C5: variants seen among roughly 807,000 people sequenced by gnomAD.
C5 encodes C3 and PZP-like alpha-2-macroglobulin domain-containing protein 4.
C5 carries 140 observed loss-of-function variants against 218.8 expected under a neutral mutation model. The observed-to-expected ratio is 0.64, with a 90% CI of 0.56 to 0.74. The LOEUF (loss-of-function observed/expected upper bound fraction) is 0.74, where lower values mean the gene tolerates loss of function less well. Among genes scored for constraint, C5 ranks in the 30% least tolerant of loss-of-function variants. The probability of loss-of-function intolerance (pLI) is 0.00; values close to 1 mark genes in which losing one functional copy is unlikely to be tolerated. For synonymous variants in C5, 614 were observed against 682.3 expected (o/e 0.90, Z 1.56); for missense variants, 1,700 against 1,969.6 (o/e 0.86, Z 2.59).
chr9:120,972,632 A>C (rs2046923416), intron 30 of C5, among the ~76,000 whole-genome samples: 1 of 152,174 alleles, frequency 6.6e-6, no homozygotes, highest in Non-Finnish European at 1.5e-5. Flanking sequence ...TGAAGACATA[A>C]ACGGAGTTAA....
intron 6 of C5, among the ~76,000 whole-genome samples, chr9:121,031,214 T>C (rs944463644): frequency 2.0e-5 from 3 of 151,824 alleles, no homozygotes; most frequent in Non-Finnish European, 4.4e-5. Context: ...CACACAGAAA[T>C]GCTAGTAAAC....
intron 16 of C5, 74 bp from the exon 17 acceptor site, chr9:121,014,144 G>T: frequency 7.6e-7 from 1 of 1,321,950 alleles, no homozygotes. Context: ...GAATCTCAAG[G>T]GATACCTGGT....
chr9:120,983,561 A>G (rs971657093), intron 25 of C5, among the ~76,000 whole-genome samples: 2 of 152,188 alleles, frequency 1.3e-5, no homozygotes, highest in Non-Finnish European at 2.9e-5. Context: ...AATGTATTTT[A>G]AGCATTTTTT....
intron 22 of C5, among the ~76,000 whole-genome samples, chr9:120,993,230 G>A (rs1207628224): frequency 6.6e-6 from 1 of 152,166 alleles, no homozygotes. Context: ...AGGGCAATAT[G>A]ACAGGACTAA....
At position 120,952,409 on chromosome 9, in the gene C5, T is replaced by C; in HGVS notation, c.*330A>G. On this transcript the variant is annotated 3_prime_UTR_variant, in exon 41 of 41. Transcript: ENST00000223642. ...TTTCTTTCAAGCAAAGGCCATGTTT[T>C]TGTAATACTCCCTTTCAATGGACTG... is the stretch of plus-strand genomic sequence containing the variant. The C allele has an allele frequency of 6.4e-6, 2 of 311,660 alleles. No individual in the cohort carries two copies. Among genetic ancestry groups the C allele is most frequent in the Non-Finnish European group, 1.2e-5 (2 of 160,452 alleles). 19.3% of individuals were successfully genotyped at this position (311,660 alleles called of 1,614,324 possible). A position where few individuals can be genotyped will look rare whatever the true frequency, so the allele number is the denominator to read the frequency against.
the C5 span, among the ~76,000 whole-genome samples, chr9:121,072,404 G>A: frequency 6.6e-6 from 1 of 152,046 alleles, no homozygotes; most frequent in Non-Finnish European, 1.5e-5. Context: ...TAAGTTTCTG[G>A]GTACAAGAAA....
upstream of C5, among the ~76,000 whole-genome samples, chr9:121,052,288 C>A (rs1001595811): frequency 2.0e-5 from 3 of 151,806 alleles, no homozygotes; most frequent in Admixed American, 2.0e-4. Flanking sequence ...GAAAACCCGC[C>A]TCTACTAAAA....
intron 22 of C5, 96 bp downstream of exon 22, chr9:120,996,144 C>T: frequency 1.0e-6 from 1 of 983,816 alleles, no homozygotes; most frequent in Non-Finnish European, 1.6e-6. Context: ...TGATTTTAGA[C>T]AATTCACTTT....
chr9:121,025,413 A>G (rs1335239557), intron 9 of C5, 41 bp downstream of exon 9: 3 of 352,326 alleles, frequency 8.5e-6, no homozygotes, highest in Non-Finnish European at 1.2e-5. Context: ...TTTTCAAAAG[A>G]AAGTATACAC....
Position 121,044,240 on chromosome 9 carries a change from C to T in C5, c.259-1074G>A, listed in dbSNP as rs41307980. Among the ~76,000 whole-genome samples, 834 of 152,136 alleles carry T rather than the reference C, an allele frequency of 5.5e-3. 8 individuals carry two copies. The highest frequency in any genetic ancestry group is 0.014 in the African/African-American group (580 of 41,492). ...CTGTAATCCCAGCACTTTGGGAGGC[C>T]GAGGCGGGCGGATCACCTGAGGTCA... On this transcript the variant is annotated intron_variant, in intron 2 of 40. Coordinates refer to ENST00000223642, the MANE Select transcript of C5 (RefSeq NM_001735.3).
upstream of C5, among the ~76,000 whole-genome samples, chr9:121,053,831 G>T (rs1047907491): frequency 2.0e-5 from 3 of 152,174 alleles, no homozygotes; most frequent in Admixed American, 2.0e-4. Context: ...CTAGAATTCT[G>T]ACAGTGCATT....
At chr9:121,013,318 G>GA (rs138938912) in intron 17 of C5, among the ~76,000 whole-genome samples, 11,706 of 98,898 alleles carry the variant, frequency 0.12, 1,462 homozygotes, top group African/African-American at 0.32. Flanking sequence ...GATTCCTACT[G>GA]AAAAAAAAAA....
chr9:121,037,038 T>G (rs1012788953), intron 4 of C5, among the ~76,000 whole-genome samples: 1 of 152,030 alleles, frequency 6.6e-6, no homozygotes, highest in African/African-American at 2.4e-5. Flanking sequence ...GATGAGATCA[T>G]GGGAGTTCAA....
intron 5 of C5, among the ~76,000 whole-genome samples, chr9:121,034,010 T>TC (rs2047501247): frequency 6.6e-6 from 1 of 151,370 alleles, no homozygotes; most frequent in East Asian, 2.0e-4. Flanking sequence ...AACCCTCACC[T>TC]CCCAGATTCA....
chr9:120,991,053 G>C, intron 23 of C5, 138 bp downstream of exon 23: 1 of 657,776 alleles, frequency 1.5e-6, no homozygotes, highest in Non-Finnish European at 2.8e-6. Flanking sequence ...GGGTGGGTAG[G>C]GGTGGAGCAC....
intron 3 of C5, among the ~76,000 whole-genome samples, chr9:121,040,277 C>T (rs1055026126): frequency 1.3e-5 from 2 of 152,074 alleles, no homozygotes; most frequent in East Asian, 1.9e-4. Flanking sequence ...GATGGGGAAA[C>T]GGTGTGAGAA....
At chr9:120,971,586 C>T (rs1242439043) in intron 31 of C5, among the ~76,000 whole-genome samples, 7 of 152,058 alleles carry the variant, frequency 4.6e-5, no homozygotes, top group East Asian at 1.9e-4. Context: ...TACAGGCGCA[C>T]GCCACCATGC....
intron 7 of C5, 21 bp downstream of exon 7, chr9:121,030,375 AC>A (rs759167745): frequency 4.8e-6 from 6 of 1,261,734 alleles, no homozygotes; most frequent in South Asian, 1.4e-5. Flanking sequence ...AATAAAAACA[AC>A]AAAAAAACAA....
chr9:120,982,771 A>T lies in C5; in HGVS notation c.3274T>A (p.Tyr1092Asn). 6.2e-7 allele frequency: 1 copy of T among 1,600,508 alleles called. No individual in the cohort carries two copies. Among genetic ancestry groups the T allele is most frequent in the Non-Finnish European group, 8.6e-7 (1 of 1,168,442 alleles). Residue 1092 changes from tyrosine to asparagine, a missense_variant, in exon 26 of 41, where the codon TAC (tyrosine) becomes AAC (asparagine). Physicochemically the swap from Tyr to Asn is moderately radical, Grantham distance 143 (BLOSUM62 -2). Transcript: ENST00000223642. ...ALRVLGQVNK[Y>N]VEQNQNSICN... ...ATTGAATTTTGGTTCTGCTCTACGTATTTATTTACTTGTCCAAGTACTCTT... is the reference window on the plus strand; with the variant it reads ...ATTGAATTTTGGTTCTGCTCTACGTTTTTATTTACTTGTCCAAGTACTCTT...
Sources: gnomAD v4.1 joint callset for allele counts (sites outside exome capture counted in the v4.1 genomes callset) on GRCh38, gnomAD v4.1.1 for gene constraint, MANE v1.5 for transcripts, NCBI Gene and HGNC (gene_info 2026-07-23, HGNC 2026-07-21) for gene names.